FOXO1: variants seen among roughly 807,000 people sequenced by gnomAD.
FOXO1 encodes the protein forkhead box O1, also known as forkhead box protein O1.
A neutral mutation model predicts 44.1 loss-of-function variants in FOXO1; 6 were observed. The observed-to-expected ratio is 0.14, with a 90% CI of 0.07 to 0.27. FOXO1 has a LOEUF of 0.27. FOXO1 is among the 10% of genes least tolerant of loss of function. FOXO1 has a pLI of 1.00. For synonymous variants in FOXO1, 380 were observed against 362.7 expected (o/e 1.05, Z -0.54); for missense variants, 737 against 888.8 (o/e 0.83, Z 2.17).
chr13:40,661,098 T>C (rs1213811843), intron 1 of FOXO1, among the ~76,000 whole-genome samples: 1 of 152,238 alleles, frequency 6.6e-6, no homozygotes. Flanking sequence ...TGAAATGAAG[T>C]ATTCCAATTT....
At chr13:40,591,142 A>G (rs2137865194) in intron 1 of FOXO1, among the ~76,000 whole-genome samples, 1 of 152,140 alleles carries the variant, frequency 6.6e-6, no homozygotes, top group Admixed American at 6.5e-5. Context: ...CTGATCTGCA[A>G]ATCAGCTCAG....
At chr13:40,626,471 A>G (rs1876788631) in intron 1 of FOXO1, among the ~76,000 whole-genome samples, 1 of 152,250 alleles carries the variant, frequency 6.6e-6, no homozygotes, top group Non-Finnish European at 1.5e-5. Context: ...CATAAAAGAA[A>G]GTATAGATGC....
intron 1 of FOXO1, among the ~76,000 whole-genome samples, chr13:40,604,883 GAC>G (rs1479339845): frequency 2.0e-5 from 3 of 152,022 alleles, no homozygotes; most frequent in Non-Finnish European, 4.4e-5. Context: ...GTTCCTATTA[GAC>G]ACAAACCCTT....
rs1475419550 is a variant in FOXO1, at chr13:40,560,849, A to T, written c.642T>A (p.Arg214=). ...ACTTGCTGTGTAGGGACAGATTATG[A>T]CGAATTGAATTCTGTAAGGCAAAAC... ...NSSAGWKNSI[R]HNLSLHSKFI... Residue 214 remains arginine, a synonymous_variant, in exon 2 of 3, where the codon CGT becomes CGA. Transcript: ENST00000379561. The surrounding 1 kb of genome is among the most constrained non-coding windows in gnomAD (Gnocchi z 5.1). 2 of 1,604,322 alleles carry T rather than the reference A, an allele frequency of 1.2e-6. No individual in the cohort carries two copies. The highest frequency in any genetic ancestry group is 2.2e-5 in the East Asian group (1 of 44,792).
chr13:40,619,253 C>G (rs1876528147), intron 1 of FOXO1: 6 of 382,136 alleles, frequency 1.6e-5, no homozygotes, highest in Non-Finnish European at 3.0e-5. Context: ...GAGATCATGC[C>G]ATTGCACTCC....
chr13:40,665,552 C>T (rs1239503832), intron 1 of FOXO1, 31 bp downstream of exon 1: 6 of 1,356,876 alleles, frequency 4.4e-6, no homozygotes, highest in Admixed American at 2.6e-5. Flanking sequence ...ACCGCGCCCC[C>T]AAGGTCCGGC....
intron 1 of FOXO1, among the ~76,000 whole-genome samples, chr13:40,581,091 C>T (rs923084329): frequency 2.0e-5 from 3 of 152,192 alleles, no homozygotes; most frequent in Non-Finnish European, 2.9e-5. Flanking sequence ...GGGCACTTTT[C>T]TTGGAGACAG....
intron 1 of FOXO1, among the ~76,000 whole-genome samples, chr13:40,622,293 A>C (rs1002446728): frequency 2.0e-5 from 3 of 152,274 alleles, no homozygotes; most frequent in African/African-American, 4.8e-5. Context: ...TGGAGGCTAA[A>C]TATTTCCAAT....
At chr13:40,653,615 T>A (rs959266042) in intron 1 of FOXO1, among the ~76,000 whole-genome samples, 2 of 152,174 alleles carry the variant, frequency 1.3e-5, no homozygotes, top group African/African-American at 4.8e-5. Context: ...CCTCCTTTCC[T>A]CATTAGGCCC....
intron 1 of FOXO1, among the ~76,000 whole-genome samples, chr13:40,655,768 A>G (rs7328677): frequency 0.42 from 62,485 of 150,386 alleles, 14,214 homozygotes; most frequent in East Asian, 0.75. Context: ...TCAGTCTCCC[A>G]AGTAGCAGGG....
chr13:40,622,576 C>T (rs1002500748), intron 1 of FOXO1, among the ~76,000 whole-genome samples: 4 of 152,038 alleles, frequency 2.6e-5, no homozygotes, highest in Non-Finnish European at 5.9e-5. Context: ...CTGTCTTTCC[C>T]AAGCCAAAGA....
intron 1 of FOXO1, among the ~76,000 whole-genome samples, chr13:40,569,943 T>C (rs1428667088): frequency 6.6e-6 from 1 of 151,986 alleles, no homozygotes; most frequent in Non-Finnish European, 1.5e-5. Flanking sequence ...TGGTGATTAT[T>C]AGAATGATGT....
chr13:40,631,834 T>C lies in FOXO1; in HGVS notation c.630+33749A>G, dbSNP rs564109308. On this transcript the variant is annotated intron_variant, in intron 1 of 2. Coordinates refer to ENST00000379561, the MANE Select transcript of FOXO1 (RefSeq NM_002015.4). ...TGCAAGATGAAAAGAGTTCTGAAGATGGATGGTGATTACAATGGGTTGGCA... is the reference window on the plus strand; with the variant it reads ...TGCAAGATGAAAAGAGTTCTGAAGACGGATGGTGATTACAATGGGTTGGCA... Among the ~76,000 whole-genome samples the C allele has an allele frequency of 9.2e-5, 14 of 152,310 alleles. No individual in the cohort carries two copies. The South Asian group carries it at 2.9e-3, about 32-fold the overall frequency.
intron 1 of FOXO1, among the ~76,000 whole-genome samples, chr13:40,645,776 G>A (rs1481818565): frequency 6.6e-6 from 1 of 152,182 alleles, no homozygotes. Flanking sequence ...CCATTTAGAT[G>A]TGCACCCTCA....
chr13:40,656,748 A>G (rs527608846), intron 1 of FOXO1, among the ~76,000 whole-genome samples: 28 of 152,354 alleles, frequency 1.8e-4, no homozygotes, highest in African/African-American at 6.5e-4. Context: ...TTTGGTCCAT[A>G]ACACAGCATT....
At chr13:40,629,267 C>T (rs1593406806) in intron 1 of FOXO1, among the ~76,000 whole-genome samples, 2 of 152,252 alleles carry the variant, frequency 1.3e-5, no homozygotes, top group African/African-American at 2.4e-5. Context: ...CTCAGCCTCC[C>T]GAGTAGCTGG....
intron 1 of FOXO1, among the ~76,000 whole-genome samples, chr13:40,580,848 C>A (rs777150487): frequency 6.6e-6 from 1 of 152,188 alleles, no homozygotes; most frequent in African/African-American, 2.4e-5. Context: ...AAAATAAGTT[C>A]AAGTCCCTAA....
intron 1 of FOXO1, among the ~76,000 whole-genome samples, chr13:40,593,907 G>A (rs1875481909): frequency 1.3e-5 from 2 of 152,144 alleles, no homozygotes; most frequent in South Asian, 4.1e-4. Flanking sequence ...CCATTATAGA[G>A]AACTGCCTAA....
chr13:40,599,721 C>T (rs1875749133), intron 1 of FOXO1, among the ~76,000 whole-genome samples: 1 of 152,000 alleles, frequency 6.6e-6, no homozygotes, highest in Admixed American at 6.6e-5. Flanking sequence ...CCTCCGGCCT[C>T]GGAGGGGTGG....
Sources: allele counts gnomAD v4.1 joint callset (sites outside exome capture counted in the v4.1 genomes callset), GRCh38; gene constraint gnomAD v4.1.1; non-coding constraint Gnocchi (gnomAD v3.1); transcripts MANE v1.5; gene names NCBI Gene and HGNC (gene_info 2026-07-23, HGNC 2026-07-21).